Variants in SNX29 observed in about 807,000 individuals in gnomAD.
The protein encoded by SNX29 is sorting nexin-29.
SNX29 carries 78 observed loss-of-function variants against 102.1 expected under a neutral mutation model. The observed-to-expected ratio is 0.76, with a 90% CI of 0.64 to 0.92. The LOEUF (loss-of-function observed/expected upper bound fraction) is 0.92. SNX29 is among the 40% of genes least tolerant of loss of function. The pLI is 0.00. For synonymous variants in SNX29, 580 were observed against 414.5 expected, an observed-to-expected ratio of 1.40 and a Z score of -4.85; for missense variants, 1,280 against 1,061.7, an observed-to-expected ratio of 1.21 and a Z score of -2.86.
intron 18 of SNX29, among the ~76,000 whole-genome samples, chr16:12,461,681 G>T (rs79493164): frequency 0.045 from 6,809 of 151,812 alleles, 197 homozygotes; most frequent in East Asian, 0.15. Flanking sequence ...GGCTGGCCAG[G>T]TGCCATTGCT....
At chr16:12,390,493 G>C (rs548559594) in intron 16 of SNX29, among the ~76,000 whole-genome samples, 3 of 152,218 alleles carry the variant, frequency 2.0e-5, no homozygotes, top group African/African-American at 7.2e-5. Context: ...GCAAGCCCCG[G>C]GACTTCCTCT....
intron 16 of SNX29, among the ~76,000 whole-genome samples, chr16:12,396,309 T>TCTGC (rs553512178): frequency 2.6e-4 from 40 of 152,364 alleles, no homozygotes; most frequent in Non-Finnish European, 4.3e-4. Context: ...TTGGTTGCCT[T>TCTGC]CTGCCTGTGC....
intron 20 of SNX29, among the ~76,000 whole-genome samples, chr16:12,543,589 A>T (rs943363733): frequency 6.6e-6 from 1 of 152,162 alleles, no homozygotes; most frequent in African/African-American, 2.4e-5. Context: ...GGTGCGTCCC[A>T]GTTCATCCTC....
rs563605018 is a variant in SNX29 at position 11,996,603 on chromosome 16, C to T, written c.8-2694C>T. Among the ~76,000 whole-genome samples, 89 of 152,226 alleles carry T rather than the reference C, an allele frequency of 5.8e-4. No homozygotes were observed. The South Asian group carries it at 0.017, about 28-fold the overall frequency. On this transcript the variant is annotated intron_variant, in intron 1 of 20. Coordinates refer to ENST00000566228, the MANE Select transcript of SNX29 (RefSeq NM_032167.5). ...AAAAATAGCAAAGGCATTTCCAGTG[C>T]GGGGAACCCTGTCAAGTTTCCAGTT...
In SNX29 at chr16:12,573,795, G is replaced by A. The variant is rs546856053; in HGVS notation, c.*5166G>A. Reference sequence around the variant, plus strand: ...CCAGAGACCATTAATTTCCCGGAGTGAAGGGGATGGGGGTAGAGCTAATTG... The same window carrying A: ...CCAGAGACCATTAATTTCCCGGAGTAAAGGGGATGGGGGTAGAGCTAATTG... On this transcript the variant is annotated 3_prime_UTR_variant, in exon 21 of 21. Coordinates refer to ENST00000566228, the MANE Select transcript of SNX29 (RefSeq NM_032167.5). 2 of 221,170 alleles carry A rather than the reference G, an allele frequency of 9.0e-6. No homozygotes were observed. Among genetic ancestry groups the A allele is most frequent in the South Asian group, 3.7e-4 (2 of 5,402 alleles). The allele number at this position is 221,170 out of a possible 1,614,324, so 13.7% of individuals were successfully genotyped here. A position where few individuals can be genotyped will look rare whatever the true frequency, so the allele number is the denominator to read the frequency against.
intron 14 of SNX29, among the ~76,000 whole-genome samples, chr16:12,269,704 C>T (rs2079033415): frequency 1.3e-5 from 2 of 152,136 alleles, no homozygotes; most frequent in South Asian, 4.1e-4. Flanking sequence ...CATTGCTAAC[C>T]AATGTCTTGA....
intron 18 of SNX29, among the ~76,000 whole-genome samples, chr16:12,441,898 C>A (rs1277420478): frequency 6.6e-6 from 1 of 152,202 alleles, no homozygotes; most frequent in East Asian, 1.9e-4. Flanking sequence ...AGGCTATTCT[C>A]CTGTCTCAGC....
chr16:12,571,076 G>T lies in SNX29; in HGVS notation c.*2447G>T, dbSNP rs1378454537. On this transcript the variant is annotated 3_prime_UTR_variant, in exon 21 of 21. Coordinates refer to ENST00000566228, the MANE Select transcript of SNX29 (RefSeq NM_032167.5). Reference sequence around the variant, plus strand: ...CTAAAAATGCTGGTGGCCCGCACATGACAGCAACTCCCCGAAGCCTTCCCT... The same window carrying T: ...CTAAAAATGCTGGTGGCCCGCACATTACAGCAACTCCCCGAAGCCTTCCCT... 4.3e-6 allele frequency: 1 copy of T among 232,656 alleles called. No homozygotes were observed. Among genetic ancestry groups the T allele is most frequent in the Non-Finnish European group, 8.5e-6 (1 of 117,678 alleles). The allele number at this position is 232,656 out of a possible 1,614,324, so 14.4% of individuals were successfully genotyped here.
intron 20 of SNX29, among the ~76,000 whole-genome samples, chr16:12,544,537 AAC>A (rs2077497366): frequency 6.6e-6 from 1 of 152,106 alleles, no homozygotes; most frequent in Admixed American, 6.5e-5. Flanking sequence ...GTGGCCTAGG[AAC>A]ATTCTCTGGA....
At chr16:12,561,740 G>A (rs2078736495) in intron 20 of SNX29, among the ~76,000 whole-genome samples, 1 of 152,164 alleles carries the variant, frequency 6.6e-6, no homozygotes, top group South Asian at 2.1e-4. Context: ...AGGGAGGATG[G>A]AGATGGAGTT....
chr16:12,226,344 C>T (rs1298491833), intron 14 of SNX29, among the ~76,000 whole-genome samples: 1 of 151,992 alleles, frequency 6.6e-6, no homozygotes, highest in Non-Finnish European at 1.5e-5. Context: ...TTTTAATGAC[C>T]CCCTGAAAAT....
chr16:12,553,689 C>G (rs191854312), intron 20 of SNX29, among the ~76,000 whole-genome samples: 4 of 150,388 alleles, frequency 2.7e-5, no homozygotes, highest in Admixed American at 6.7e-5. Flanking sequence ...CTCCTGGGTT[C>G]AAACAATTCT....
intron 15 of SNX29, among the ~76,000 whole-genome samples, chr16:12,286,780 C>A (rs1357007543): frequency 6.6e-6 from 1 of 152,102 alleles, no homozygotes; most frequent in Admixed American, 6.6e-5. Context: ...TCATCTGTAT[C>A]CCGTCCCACC....
At chr16:12,069,353 C>T (rs1298847348) in intron 10 of SNX29, among the ~76,000 whole-genome samples, 1 of 151,948 alleles carries the variant, frequency 6.6e-6, no homozygotes, top group Non-Finnish European at 1.5e-5. Context: ...GCAAACTCCG[C>T]CTCCCGAGAT....
chr16:11,993,823 A>C (rs1019215147), intron 1 of SNX29, among the ~76,000 whole-genome samples: 1 of 152,162 alleles, frequency 6.6e-6, no homozygotes, highest in Non-Finnish European at 1.5e-5. Flanking sequence ...TGAGAGTTCT[A>C]AACATTGAAG....
At chr16:12,146,373 C>G (rs1402031971) in intron 13 of SNX29, among the ~76,000 whole-genome samples, 1 of 152,072 alleles carries the variant, frequency 6.6e-6, no homozygotes, top group Non-Finnish European at 1.5e-5. Context: ...TCAAGTGATT[C>G]TCCTGCCTCA....
rs772803153 is a variant in SNX29, at chr16:12,568,644, C to T, written c.*15C>T. On this transcript the variant is annotated 3_prime_UTR_variant, in exon 21 of 21. Transcript: ENST00000566228. ...GTGACCTCTGACCTCGACAAAACCG[C>T]AGCCACGGGCCCTGTGCGTGGCACC... 6.5e-5 allele frequency: 104 copies of T among 1,600,600 alleles called. No individual in the cohort carries two copies. Among genetic ancestry groups the T allele is most frequent in the Non-Finnish European group, 8.6e-5 (102 of 1,179,534 alleles).
chr16:12,075,825 C>T (rs1006810502), intron 10 of SNX29, among the ~76,000 whole-genome samples: 19 of 152,352 alleles, frequency 1.2e-4, no homozygotes, highest in African/African-American at 3.8e-4. Context: ...CCACCCAGTT[C>T]GAGCTTCCTG....
chr16:12,069,968 G>A (rs1208472435), intron 10 of SNX29, among the ~76,000 whole-genome samples: 5 of 152,142 alleles, frequency 3.3e-5, no homozygotes, highest in Non-Finnish European at 5.9e-5. Flanking sequence ...CACCGTGCCC[G>A]GCCTGTTATT....
Sources: allele counts gnomAD v4.1 joint callset (sites outside exome capture counted in the v4.1 genomes callset), GRCh38; gene constraint gnomAD v4.1.1; transcripts MANE v1.5; gene names NCBI Gene and HGNC (gene_info 2026-07-23, HGNC 2026-07-21).